SLIT1: variants seen among roughly 807,000 people sequenced by gnomAD.
SLIT1 encodes the protein slit homolog 1 protein.
A neutral mutation model predicts 186.1 loss-of-function variants in SLIT1; 66 were observed. The ratio of observed to expected loss-of-function variants is 0.35; its 90% CI spans 0.29 to 0.44. SLIT1 has a LOEUF of 0.44. Among genes scored for constraint, SLIT1 ranks in the 20% least tolerant of loss-of-function variants. The pLI is 1.00. For synonymous variants in SLIT1, 761 were observed against 833.8 expected, an observed-to-expected ratio of 0.91 and a Z score of 1.50; for missense variants, 1,638 against 2,037.4, an observed-to-expected ratio of 0.80 and a Z score of 3.77.
chr10:97,150,855 G>T (rs1405822217), intron 4 of SLIT1, among the ~76,000 whole-genome samples: 1 of 152,146 alleles, frequency 6.6e-6, no homozygotes, highest in Non-Finnish European at 1.5e-5. Flanking sequence ...GAAGCAATCA[G>T]GTTTCCAGCA....
intron 4 of SLIT1, among the ~76,000 whole-genome samples, chr10:97,132,187 GC>G (rs916218935): frequency 2.6e-5 from 4 of 152,058 alleles, no homozygotes; most frequent in Non-Finnish European, 4.4e-5. Context: ...AAACTGAGGT[GC>G]CCCTCTGCCA....
intron 4 of SLIT1, among the ~76,000 whole-genome samples, chr10:97,093,295 TC>T (rs1213453028): frequency 6.6e-6 from 1 of 152,224 alleles, no homozygotes; most frequent in Non-Finnish European, 1.5e-5. Flanking sequence ...AAATCCATTC[TC>T]CCCTTTTTCC....
chr10:97,011,124 C>T lies in SLIT1; in HGVS notation c.3210G>A (p.Glu1070=), dbSNP rs769361050. Residue 1070 remains glutamate (E), a synonymous_variant, in exon 31 of 37, where the codon GAG becomes GAA. Coordinates refer to ENST00000266058, the MANE Select transcript of SLIT1 (RefSeq NM_003061.3). ...CVGTPDGPRC[E]CMPGYAGDNC... ...TGTCACCTGCATAACCTGGCATGCA[C>T]TCACACCTAGTGGGTGGGGGGCAGG... The T allele has an allele frequency of 3.1e-6, 5 of 1,613,118 alleles. No homozygotes were observed. Among genetic ancestry groups the T allele is most frequent in the Non-Finnish European group, 4.2e-6 (5 of 1,179,238 alleles).
At chr10:97,146,041 A>G (rs914465571) in intron 4 of SLIT1, among the ~76,000 whole-genome samples, 2 of 152,228 alleles carry the variant, frequency 1.3e-5, no homozygotes, top group African/African-American at 2.4e-5. Context: ...CCATATTTGC[A>G]TTACTCAAGA....
At chr10:97,112,511 G>A (rs955933804) in intron 4 of SLIT1, among the ~76,000 whole-genome samples, 1 of 152,112 alleles carries the variant, frequency 6.6e-6, no homozygotes, top group South Asian at 2.1e-4. Context: ...TCATGGGCAG[G>A]ACCTGTGCTG....
intron 7 of SLIT1, among the ~76,000 whole-genome samples, 153 bp downstream of exon 7, chr10:97,064,015 G>A (rs193267899): frequency 2.0e-5 from 3 of 152,080 alleles, no homozygotes; most frequent in African/African-American, 4.8e-5. Context: ...CCGCCTCCGA[G>A]AGCATGAAGC....
At chr10:97,160,553 G>A (rs1482350793) in intron 3 of SLIT1, among the ~76,000 whole-genome samples, 2 of 152,146 alleles carry the variant, frequency 1.3e-5, no homozygotes, top group South Asian at 2.1e-4. Context: ...CAAGGTATAC[G>A]TGTGTGGTTT....
chr10:97,135,694 C>A (rs1051731762), intron 4 of SLIT1, among the ~76,000 whole-genome samples: 3 of 152,184 alleles, frequency 2.0e-5, no homozygotes. Context: ...GTACTTGGGT[C>A]TCTCCCCAGC....
intron 4 of SLIT1, among the ~76,000 whole-genome samples, chr10:97,136,973 T>G (rs1306930687): frequency 6.6e-6 from 1 of 152,222 alleles, no homozygotes; most frequent in East Asian, 1.9e-4. Flanking sequence ...CAAAGACCGA[T>G]GCTCTTGGAG....
chr10:97,043,166 A>G lies in SLIT1; in HGVS notation c.1998-99T>C, dbSNP rs949523019. ...CACGGACACAGGGCCACATGGCCACATGGCACTGTCTCCCAGACCACCACC... is the reference window on the plus strand; with the variant it reads ...CACGGACACAGGGCCACATGGCCACGTGGCACTGTCTCCCAGACCACCACC... On this transcript the variant is annotated intron_variant, in intron 19 of 36. Coordinates refer to ENST00000266058, the MANE Select transcript of SLIT1 (RefSeq NM_003061.3). This position sits in a 1 kb window ranked among gnomAD's most constrained non-coding sequence, Gnocchi z 7.0. 1.4e-6 allele frequency: 2 copies of G among 1,394,060 alleles called. No homozygotes were observed. The highest frequency in any genetic ancestry group is 2.3e-5 in the East Asian group (1 of 43,450). The allele number at this position is 1,394,060 out of a possible 1,614,324, so 86.4% of individuals were successfully genotyped here.
At position 97,100,925 on chromosome 10, in the gene SLIT1, G is replaced by A. The variant is rs534402036; in HGVS notation, c.414-34839C>T. On this transcript the variant is annotated intron_variant, in intron 4 of 36. Transcript: ENST00000266058. ...AGTGCTGCTGCGTATTTCTAGGGACGGTGCAGACGCAGGCCGGTTTGGGCC... is the reference window on the plus strand; with the variant it reads ...AGTGCTGCTGCGTATTTCTAGGGACAGTGCAGACGCAGGCCGGTTTGGGCC... 2.6e-5 allele frequency among the ~76,000 whole-genome samples: 4 copies of A among 152,278 alleles called. No homozygotes were observed. The East Asian group carries it at 5.8e-4, about 22-fold the overall frequency.
chr10:97,049,161 A>G, intron 13 of SLIT1, 43 bp from the exon 14 acceptor site: 1 of 1,590,450 alleles, frequency 6.3e-7, no homozygotes, highest in East Asian at 2.2e-5. Flanking sequence ...CAAGGGCTGC[A>G]AACCCGCGCT....
chr10:97,116,235 T>A (rs1275094021), intron 4 of SLIT1, among the ~76,000 whole-genome samples: 1 of 151,994 alleles, frequency 6.6e-6, no homozygotes, highest in East Asian at 1.9e-4. Flanking sequence ...GAGGCAGCAG[T>A]AGGAGAGGAG....
chr10:97,038,504 G>A (rs377762186), intron 21 of SLIT1, among the ~76,000 whole-genome samples: 5 of 152,078 alleles, frequency 3.3e-5, no homozygotes, highest in South Asian at 2.1e-4. Context: ...TCCTAAGCCC[G>A]AAGCTTCCCA....
intron 28 of SLIT1, 74 bp from the exon 29 acceptor site, chr10:97,014,232 A>G (rs1296698975): frequency 1.3e-6 from 2 of 1,547,854 alleles, no homozygotes; most frequent in Non-Finnish European, 1.8e-6. Context: ...GCCGGTTAAT[A>G]TCACCATTCC....
chr10:97,115,274 C>T (rs373886162), intron 4 of SLIT1, among the ~76,000 whole-genome samples: 15 of 152,308 alleles, frequency 9.8e-5, no homozygotes, highest in African/African-American at 2.9e-4. Flanking sequence ...TGAGGCTCAA[C>T]ATCCACTCCC....
intron 4 of SLIT1, among the ~76,000 whole-genome samples, chr10:97,105,417 G>A (rs1175924903): frequency 1.3e-5 from 2 of 152,184 alleles, no homozygotes; most frequent in African/African-American, 4.8e-5. Context: ...GGCCCCAGGA[G>A]CAGCAAGAAC....
At chr10:97,172,481 T>C (rs1240471308) in intron 1 of SLIT1, among the ~76,000 whole-genome samples, 2 of 152,216 alleles carry the variant, frequency 1.3e-5, no homozygotes, top group African/African-American at 4.8e-5. Flanking sequence ...ACATGGCACA[T>C]GATAGATGTT....
At chr10:97,051,444 G>A (rs1300351134) in intron 13 of SLIT1, among the ~76,000 whole-genome samples, 2 of 152,140 alleles carry the variant, frequency 1.3e-5, no homozygotes, top group Non-Finnish European at 2.9e-5. Context: ...AAATAGTACC[G>A]CCACTTTGGA....
Sources: allele counts gnomAD v4.1 joint callset (sites outside exome capture counted in the v4.1 genomes callset), GRCh38; gene constraint gnomAD v4.1.1; non-coding constraint Gnocchi (gnomAD v3.1); transcripts MANE v1.5; gene names NCBI Gene and HGNC (gene_info 2026-07-23, HGNC 2026-07-21).